Variants in SIPA1L1 observed in about 807,000 individuals in gnomAD.
The protein encoded by SIPA1L1 is signal-induced proliferation-associated 1-like protein 1.
SIPA1L1 carries 26 observed loss-of-function variants against 162.7 expected under a neutral mutation model. The ratio of observed to expected loss-of-function variants is 0.16; its 90% CI spans 0.12 to 0.22. SIPA1L1 has a LOEUF of 0.22. Ranked by LOEUF, SIPA1L1 falls within the 10% of genes least tolerant of loss-of-function variation. The probability of loss-of-function intolerance (pLI) is 1.00; values close to 1 mark genes in which losing one functional copy is unlikely to be tolerated. For synonymous variants in SIPA1L1, 829 were observed against 837.4 expected (o/e 0.99, Z 0.17); for missense variants, 1,874 against 2,241.0 (o/e 0.84, Z 3.31).
At chr14:71,618,978 C>A in intron 6 of SIPA1L1, 91 bp downstream of exon 6, 2 of 1,377,084 alleles carry the variant, frequency 1.5e-6, no homozygotes, top group Non-Finnish European at 2.0e-6. Context: ...TTTAATAGCA[C>A]ATGGTTACAG....
chr14:71,735,452 C>T (rs1483537554), intron 22 of SIPA1L1, 61 bp downstream of exon 22: 1 of 1,184,558 alleles, frequency 8.4e-7, no homozygotes, highest in Non-Finnish European at 1.3e-6. Context: ...CTGACTGCAT[C>T]TGTGGGGAGA....
intron 5 of SIPA1L1, among the ~76,000 whole-genome samples, chr14:71,617,520 AAT>A (rs2038966733): frequency 6.6e-6 from 1 of 152,234 alleles, no homozygotes; most frequent in African/African-American, 2.4e-5. Context: ...GGCTTATGAT[AAT>A]AGTCTTAGAG....
chr14:71,448,471 ACT>A (rs1309508595), intron 2 of SIPA1L1, among the ~76,000 whole-genome samples: 1 of 152,188 alleles, frequency 6.6e-6, no homozygotes, highest in Non-Finnish European at 1.5e-5. Context: ...CAGGCATCTA[ACT>A]CTAGCCACTG....
chr14:71,646,770 C>T (rs1426062740), intron 7 of SIPA1L1, among the ~76,000 whole-genome samples: 1 of 151,746 alleles, frequency 6.6e-6, no homozygotes. Flanking sequence ...CAGAGGTTAT[C>T]CAAAGCAAAA....
chr14:71,381,566 G>A (rs971589277), intron 2 of SIPA1L1, among the ~76,000 whole-genome samples: 3 of 152,228 alleles, frequency 2.0e-5, no homozygotes, highest in African/African-American at 4.8e-5. Context: ...AGTATAGACA[G>A]CTTTAGCACT....
chr14:71,542,277 TTCCTC>T (rs1206211322), intron 4 of SIPA1L1, among the ~76,000 whole-genome samples: 1 of 148,282 alleles, frequency 6.7e-6, no homozygotes, highest in Non-Finnish European at 1.5e-5. Context: ...CTTCTTCCTC[TTCCTC>T]TCCTCTTCCT....
intron 10 of SIPA1L1, among the ~76,000 whole-genome samples, chr14:71,662,825 G>A (rs1460329145): frequency 6.6e-6 from 1 of 152,198 alleles, no homozygotes; most frequent in African/African-American, 2.4e-5. Flanking sequence ...CTGGTTAGTT[G>A]TAGAATGAAA....
intron 7 of SIPA1L1, among the ~76,000 whole-genome samples, chr14:71,642,668 C>CA (rs2041830640): frequency 6.6e-6 from 1 of 152,078 alleles, no homozygotes; most frequent in African/African-American, 2.4e-5. Context: ...TAATGTCTGA[C>CA]AGTCAATCAT....
At chr14:71,391,492 G>A (rs1187584130) in intron 2 of SIPA1L1, among the ~76,000 whole-genome samples, 3 of 152,194 alleles carry the variant, frequency 2.0e-5, no homozygotes, top group Non-Finnish European at 4.4e-5. Flanking sequence ...ACTGTGATAC[G>A]TGATTTGAAG....
chr14:71,652,283 G>C (rs187777963), intron 8 of SIPA1L1, among the ~76,000 whole-genome samples: 26 of 152,262 alleles, frequency 1.7e-4, no homozygotes, highest in African/African-American at 5.8e-4. Flanking sequence ...GCCAGCCTCT[G>C]TACACCTCAG....
rs112879058 is a variant in SIPA1L1, at chr14:71,522,181, C to A, written c.-361-7131C>A. On this transcript the variant is annotated intron_variant, in intron 3 of 23. Coordinates refer to ENST00000381232, the MANE Select transcript of SIPA1L1 (RefSeq NM_001386936.1). ...CTCTGTCTTGTGGCTTCCATTGTTG[C>A]TTTTGAGAAATAAGTCATCACCTTA... Among the ~76,000 whole-genome samples, 3 of 152,172 alleles carry A rather than the reference C, an allele frequency of 2.0e-5. 1 individual carries two copies. The highest frequency in any genetic ancestry group is 4.8e-5 in the African/African-American group (2 of 41,528).
At chr14:71,615,907 A>G (rs1292191084) in intron 5 of SIPA1L1, among the ~76,000 whole-genome samples, 1 of 152,170 alleles carries the variant, frequency 6.6e-6, no homozygotes, top group Non-Finnish European at 1.5e-5. Flanking sequence ...GAGGCAAGAG[A>G]ATCGCTTGAA....
At chr14:71,516,149 T>C (rs1030989975) in intron 3 of SIPA1L1, among the ~76,000 whole-genome samples, 8 of 152,238 alleles carry the variant, frequency 5.3e-5, no homozygotes, top group African/African-American at 1.9e-4. Context: ...ACACCAGTGC[T>C]GATTGAAATC....
chr14:71,665,838 T>C (rs1175611914), intron 10 of SIPA1L1, among the ~76,000 whole-genome samples: 1 of 152,208 alleles, frequency 6.6e-6, no homozygotes, highest in East Asian at 1.9e-4. Context: ...GGCACAGTAA[T>C]ATATTAACAG....
At chr14:71,394,819 G>A (rs1387440064) in intron 2 of SIPA1L1, among the ~76,000 whole-genome samples, 2 of 152,220 alleles carry the variant, frequency 1.3e-5, no homozygotes, top group African/African-American at 4.8e-5. Context: ...TGATGGATAA[G>A]CAGTAAGGAG....
chr14:71,566,384 G>A (rs997852245), intron 4 of SIPA1L1, among the ~76,000 whole-genome samples: 5 of 152,154 alleles, frequency 3.3e-5, no homozygotes, highest in Non-Finnish European at 7.4e-5. Context: ...ATTCAAAAAC[G>A]AAACAGCAGA....
chr14:71,464,609 C>G (rs569712849), intron 2 of SIPA1L1, among the ~76,000 whole-genome samples: 1 of 152,196 alleles, frequency 6.6e-6, no homozygotes, highest in Non-Finnish European at 1.5e-5. Flanking sequence ...CCACTGCACT[C>G]CAGCCTGGGT....
At chr14:71,614,014 C>T (rs1467568609) in intron 5 of SIPA1L1, among the ~76,000 whole-genome samples, 1 of 151,954 alleles carries the variant, frequency 6.6e-6, no homozygotes, top group Non-Finnish European at 1.5e-5. Flanking sequence ...CCAGCCTGGC[C>T]AATGTGGTGA....
At chr14:71,481,812 A>G (rs144357950) in intron 2 of SIPA1L1, among the ~76,000 whole-genome samples, 1 of 152,344 alleles carries the variant, frequency 6.6e-6, no homozygotes, top group East Asian at 1.9e-4. Context: ...TCACAGCAGG[A>G]TATAGGAGTA....
Sources: allele counts gnomAD v4.1 joint callset (sites outside exome capture counted in the v4.1 genomes callset), GRCh38; gene constraint gnomAD v4.1.1; transcripts MANE v1.5; gene names NCBI Gene and HGNC (gene_info 2026-07-23, HGNC 2026-07-21).